TET1: variants seen among roughly 807,000 people sequenced by gnomAD.
The protein encoded by TET1 is methylcytosine dioxygenase TET1.
TET1 carries 13 observed loss-of-function variants against 148.7 expected under a neutral mutation model. The observed-to-expected ratio is 0.09, with a 90% CI of 0.06 to 0.14. The LOEUF (loss-of-function observed/expected upper bound fraction) is 0.14. Among genes scored for constraint, TET1 ranks in the 10% least tolerant of loss-of-function variants. The pLI is 1.00. For missense variants in TET1, 2,182 were observed against 2,553.8 expected, an observed-to-expected ratio of 0.85 and a Z score of 3.14; for synonymous variants, 907 against 937.2, an observed-to-expected ratio of 0.97 and a Z score of 0.59.
chr10:68,669,904 A>C (rs1048756150), intron 7 of TET1, among the ~76,000 whole-genome samples: 4 of 152,136 alleles, frequency 2.6e-5, no homozygotes, highest in Admixed American at 6.5e-5. Flanking sequence ...TCAGCCTCCC[A>C]AAGTGCTGGG....
chr10:68,593,230 C>CAAAA (rs576381158), intron 2 of TET1, among the ~76,000 whole-genome samples: 2 of 43,198 alleles, frequency 4.6e-5, no homozygotes, highest in Non-Finnish European at 4.5e-5. Context: ...AACTCTGTCT[C>CAAAA]AAAAAAAAAA....
intron 2 of TET1, among the ~76,000 whole-genome samples, chr10:68,593,609 T>TGTA (rs1423981002): frequency 6.6e-6 from 1 of 151,638 alleles, no homozygotes; most frequent in East Asian, 1.9e-4. Flanking sequence ...GGCTAATTTT[T>TGTA]GTATTATTAT....
intron 1 of TET1, among the ~76,000 whole-genome samples, chr10:68,567,094 A>T (rs1012976246): frequency 6.6e-6 from 1 of 152,152 alleles, no homozygotes; most frequent in Non-Finnish European, 1.5e-5. Flanking sequence ...TCCAACGTCC[A>T]TCTTTTTACT....
intron 4 of TET1, among the ~76,000 whole-genome samples, chr10:68,647,585 C>T (rs2054869959): frequency 6.6e-6 from 1 of 151,174 alleles, no homozygotes; most frequent in Admixed American, 6.6e-5. Flanking sequence ...GCTTGGGCAA[C>T]AGAGCAAGAC....
chr10:68,617,627 C>CCTCCACCTCCCGGGTTCAAG (rs2054312511), intron 3 of TET1, among the ~76,000 whole-genome samples: 1 of 152,068 alleles, frequency 6.6e-6, no homozygotes, highest in African/African-American at 2.4e-5. Flanking sequence ...CTCACCACAA[C>CCTCCACCTCCCGGGTTCAAG]CTCCACCTCC....
chr10:68,645,635 T>C lies in TET1; in HGVS notation c.2906T>C (p.Val969Ala). Residue 969 changes from valine (V) to alanine (A), a missense_variant, in exon 4 of 12, where the codon GTT (valine) becomes GCT (alanine). Physicochemically the swap from Val to Ala is moderately conservative, Grantham distance 64. Coordinates refer to ENST00000373644, the MANE Select transcript of TET1 (RefSeq NM_030625.3). ...AAACAAAGTTCATGCAACACGGTGG[T>C]TTTCAATGGGCAAACTACTACCCTT... ...LEKQSSCNTV[V>A]FNGQTTTLSN... 1 of 1,613,662 alleles carries C rather than the reference T, an allele frequency of 6.2e-7. No individual in the cohort carries two copies. The highest frequency in any genetic ancestry group is 1.1e-5 in the South Asian group (1 of 91,036).
rs190899870 is a variant in TET1, at chr10:68,662,356, G to A, written c.4462-4689G>A. Among the ~76,000 whole-genome samples, 57 of 152,194 alleles carry A rather than the reference G, an allele frequency of 3.7e-4. 1 individual carries two copies. Among genetic ancestry groups the A allele is most frequent in the Middle Eastern group, 3.4e-3 (1 of 292 alleles). ...AGAAACAAAATACTAAGCTAAGAGT[G>A]ATAATTTTTGTCATTGTACATCTAA... On this transcript the variant is annotated intron_variant, in intron 6 of 11. Coordinates refer to ENST00000373644, the MANE Select transcript of TET1 (RefSeq NM_030625.3).
rs780969535 is a variant in TET1 at position 68,573,237 on chromosome 10, C to A, written c.899C>A (p.Ser300Tyr). 21 of 1,613,960 alleles carry A rather than the reference C, an allele frequency of 1.3e-5. No individual in the cohort carries two copies. In the Admixed American group the frequency reaches 3.5e-4, roughly 27 times the overall value. ...IKSEHDCYPT[S>Y]SLNKVIPDLN... ...AGTGAACATGATTGCTACCCCACCT[C>A]CAGTCTTAATAAGGTTATACCTGAC... The change falls in exon 2 of 12, where the codon TCC becomes TAC. Residue 300 changes from serine to tyrosine, a missense_variant. Ser to Tyr is a moderately radical substitution (Grantham distance 144). Around this residue, in one of 11 missense-constraint regions of TET1, gnomAD observed 665 missense variants for 672.4 expected, o/e 0.99. Transcript: ENST00000373644.
At chr10:68,650,800 C>T (rs1317358351) in intron 4 of TET1, among the ~76,000 whole-genome samples, 2 of 152,068 alleles carry the variant, frequency 1.3e-5, no homozygotes, top group Non-Finnish European at 2.9e-5. Context: ...TCTAAGGGGC[C>T]AAGTTAAAAA....
intron 2 of TET1, among the ~76,000 whole-genome samples, chr10:68,574,795 A>G (rs2053709452): frequency 6.6e-6 from 1 of 152,182 alleles, no homozygotes; most frequent in African/African-American, 2.4e-5. Context: ...AGTGATTTCT[A>G]CCTGCTCTAC....
chr10:68,680,476 C>G (rs2055421032), intron 8 of TET1, among the ~76,000 whole-genome samples: 1 of 152,206 alleles, frequency 6.6e-6, no homozygotes, highest in Admixed American at 6.5e-5. Flanking sequence ...TCCCAAGTAG[C>G]TGGGACTGCA....
At chr10:68,637,626 A>G (rs1308721027) in intron 3 of TET1, among the ~76,000 whole-genome samples, 4 of 149,584 alleles carry the variant, frequency 2.7e-5, no homozygotes, top group South Asian at 2.1e-4. Context: ...TCCAGGTTCA[A>G]GAGATCTCGT....
rs2055612640 is a variant in TET1, at chr10:68,692,957, G to T, written c.*1143G>T. On this transcript the variant is annotated 3_prime_UTR_variant, in exon 12 of 12. Coordinates refer to ENST00000373644, the MANE Select transcript of TET1 (RefSeq NM_030625.3). The stretch of plus-strand genomic sequence containing the variant: ...ACAGAATTAGAAAAAAAAAATTCTT[G>T]TTGAAATATTTTGAAAACAAATTCC... The T allele has an allele frequency of 8.7e-6, 2 of 230,574 alleles. No individual in the cohort carries two copies. Among genetic ancestry groups the T allele is most frequent in the Admixed American group, 5.7e-5 (1 of 17,570 alleles). 14.3% of individuals were successfully genotyped at this position (230,574 alleles called of 1,614,324 possible). A position where few individuals can be genotyped will look rare whatever the true frequency, so the allele number is the denominator to read the frequency against.
rs748343586 is a variant in TET1, at chr10:68,691,058, G to A, written c.5655G>A (p.Ser1885=). ...GCACTCCCCACTGTACGATGCCTTC[G>A]GGAAGACTCAGTGGTGCCAATGCAG... The part of the protein sequence containing the change: ...RSSTPHCTMP[S]GRLSGANAAA... Residue 1885 remains serine (S), a synonymous_variant, in exon 12 of 12, where the codon TCG becomes TCA. Coordinates refer to ENST00000373644, the MANE Select transcript of TET1 (RefSeq NM_030625.3). The surrounding 1 kb of genome is among the most constrained non-coding windows in gnomAD (Gnocchi z 4.4). The A allele has an allele frequency of 2.4e-5, 38 of 1,614,062 alleles. No homozygotes were observed. Among genetic ancestry groups the A allele is most frequent in the South Asian group, 1.5e-4 (14 of 91,084 alleles).
At chr10:68,620,850 A>C (rs181409871) in intron 3 of TET1, among the ~76,000 whole-genome samples, 18 of 152,322 alleles carry the variant, frequency 1.2e-4, no homozygotes, top group South Asian at 6.2e-4. Flanking sequence ...GTCCATCTTA[A>C]AAATTTTAGC....
chr10:68,571,248 C>A (rs1354536517), intron 1 of TET1, among the ~76,000 whole-genome samples: 1 of 151,584 alleles, frequency 6.6e-6, no homozygotes, highest in Non-Finnish European at 1.5e-5. Flanking sequence ...CCTCGGCCTC[C>A]CAAAGTGCTG....
intron 6 of TET1, among the ~76,000 whole-genome samples, chr10:68,660,190 C>T (rs1037768917): frequency 6.6e-6 from 1 of 152,040 alleles, no homozygotes; most frequent in Non-Finnish European, 1.5e-5. Flanking sequence ...CTTTGGAAAC[C>T]TTACAAATAA....
chr10:68,643,959 C>G (rs1375298095), intron 3 of TET1, among the ~76,000 whole-genome samples: 1 of 140,344 alleles, frequency 7.1e-6, no homozygotes, highest in East Asian at 2.2e-4. Context: ...GGCTGGAGTA[C>G]AGTGGCATGA....
At chr10:68,675,228 CTATG>C (rs2055333123) in intron 8 of TET1, 1 of 225,014 alleles carries the variant, frequency 4.4e-6, no homozygotes, top group East Asian at 1.5e-4. Flanking sequence ...TATGAATAAA[CTATG>C]TATGGATTTC....
Sources: allele counts gnomAD v4.1 joint callset (sites outside exome capture counted in the v4.1 genomes callset), GRCh38; gene constraint gnomAD v4.1.1; regional missense constraint gnomAD v4.1.1; non-coding constraint Gnocchi (gnomAD v3.1); transcripts MANE v1.5; gene names NCBI Gene and HGNC (gene_info 2026-07-23, HGNC 2026-07-21).